The following DOCK3 variants were observed in gnomAD, a reference collection of about 807,000 sequenced individuals.
DOCK3 encodes the protein dedicator of cytokinesis 3.
In DOCK3, 60 loss-of-function variants were observed where a neutral mutation model predicts 265.6. The observed-to-expected ratio is 0.23, with a 90% CI of 0.18 to 0.28. DOCK3 has a LOEUF of 0.28. Ranked by LOEUF, DOCK3 falls within the 10% of genes least tolerant of loss-of-function variation. The pLI, the probability that DOCK3 is intolerant of heterozygous loss-of-function variation, is 1.00. For missense variants in DOCK3, 1,981 were observed against 2,594.3 expected (o/e 0.76, Z 5.14); for synonymous variants, 881 against 938.0 (o/e 0.94, Z 1.11).
At chr3:51,025,534 C>G (rs6805545) in intron 5 of DOCK3, among the ~76,000 whole-genome samples, 6,981 of 152,202 alleles carry the variant, frequency 0.046, 581 homozygotes, top group African/African-American at 0.16. Flanking sequence ...GGCCGCACCC[C>G]TCCCCGTCTT....
chr3:51,363,019 A>C (rs1190250601), intron 49 of DOCK3, among the ~76,000 whole-genome samples: 2 of 152,258 alleles, frequency 1.3e-5, no homozygotes, highest in Non-Finnish European at 2.9e-5. Context: ...TTGAGGAATC[A>C]GGCATGATGA....
At chr3:51,349,595 C>A (rs1253891394) in intron 39 of DOCK3, among the ~76,000 whole-genome samples, 1 of 152,168 alleles carries the variant, frequency 6.6e-6, no homozygotes, top group African/African-American at 2.4e-5. Flanking sequence ...GGCAGGCTGG[C>A]TTGATTGAAT....
intron 5 of DOCK3, among the ~76,000 whole-genome samples, chr3:51,055,696 AT>A (rs2081172902): frequency 6.6e-6 from 1 of 152,166 alleles, no homozygotes; most frequent in Admixed American, 6.5e-5. Context: ...TTCACTTGGC[AT>A]CTATCCATCC....
chr3:50,862,887 C>CAA (rs34443675), intron 3 of DOCK3, among the ~76,000 whole-genome samples: 37,386 of 151,990 alleles, frequency 0.25, 5,766 homozygotes, highest in East Asian at 0.39. Flanking sequence ...AAAGCACAAA[C>CAA]CACAAACAAC....
At chr3:51,049,325 CAGAAAGAA>C (rs112074555) in intron 5 of DOCK3, among the ~76,000 whole-genome samples, 134,900 of 150,502 alleles carry the variant, frequency 0.9, 60,635 homozygotes, top group African/African-American at 0.95. Context: ...GACCGTGTCT[CAGAAAGAA>C]AGAAAGAAAG....
chr3:50,789,277 C>T lies in DOCK3; in HGVS notation c.121+10519C>T, dbSNP rs942675464. Among the ~76,000 whole-genome samples the T allele has an allele frequency of 2.6e-5, 4 of 152,250 alleles. No individual in the cohort carries two copies. In the South Asian group the frequency reaches 6.2e-4, roughly 24 times the overall value. On this transcript the variant is annotated intron_variant, in intron 2 of 52. Coordinates refer to ENST00000266037, the MANE Select transcript of DOCK3 (RefSeq NM_004947.5). ...CAGCAGGTTAGTTTCCATGTATTTT[C>T]ATGGTTTTGAGGGTTCCTTTTGGAG...
intron 28 of DOCK3, among the ~76,000 whole-genome samples, chr3:51,311,555 C>T (rs1423039291): frequency 6.6e-6 from 1 of 152,208 alleles, no homozygotes; most frequent in African/African-American, 2.4e-5. Context: ...ATATAAACCC[C>T]TGTTATCCAG....
intron 9 of DOCK3, among the ~76,000 whole-genome samples, chr3:51,113,490 TGAA>T (rs961206560): frequency 2.0e-5 from 3 of 152,150 alleles, no homozygotes; most frequent in Admixed American, 6.5e-5. Flanking sequence ...ACTAAAACTC[TGAA>T]GCTTCTCGAA....
intron 3 of DOCK3, among the ~76,000 whole-genome samples, chr3:50,882,666 G>T (rs1257624893): frequency 6.6e-6 from 1 of 152,192 alleles, no homozygotes; most frequent in East Asian, 1.9e-4. Flanking sequence ...TACACTGTTG[G>T]TGGGACTGTA....
chr3:51,248,152 G>A (rs932307197), intron 22 of DOCK3, among the ~76,000 whole-genome samples: 2 of 152,182 alleles, frequency 1.3e-5, no homozygotes, highest in African/African-American at 4.8e-5. Context: ...TTTCATTCAA[G>A]TGGGGAAACA....
In DOCK3 at chr3:51,228,724, G is replaced by A; in HGVS notation, c.1711G>A (p.Asp571Asn). 1.2e-6 allele frequency: 2 copies of A among 1,613,966 alleles called. No homozygotes were observed. Among genetic ancestry groups the A allele is most frequent in the South Asian group, 1.1e-5 (1 of 91,068 alleles). The change falls in exon 18 of 53, where the codon GAC (aspartate) becomes AAC (asparagine). Residue 571 changes from aspartate (D) to asparagine (N), a missense_variant. Physicochemically the swap from Asp to Asn is conservative, Grantham distance 23. Transcript: ENST00000266037. ...LYLGLPCCKE[D>N]YNGCPNIPSS... is the part of the protein sequence containing the mutation. ...CCTGGGCCTGCCCTGCTGCAAAGAG[G>A]ACTACAATGGCTGCCCTAATATTCC...
At chr3:51,214,310 C>T in intron 14 of DOCK3, 63 bp downstream of exon 14, 1 of 1,592,382 alleles carries the variant, frequency 6.3e-7, no homozygotes, top group South Asian at 1.1e-5. Flanking sequence ...GTGCTCCCCT[C>T]CTGAGCAGGT....
chr3:51,314,902 A>G, intron 31 of DOCK3, 78 bp from the exon 32 acceptor site: 7 of 1,466,108 alleles, frequency 4.8e-6, no homozygotes, highest in Non-Finnish European at 6.4e-6. Context: ...GGATTGTAGC[A>G]TGTGTTGTGG....
chr3:51,044,198 T>C (rs1174959188), intron 5 of DOCK3, among the ~76,000 whole-genome samples: 5 of 152,072 alleles, frequency 3.3e-5, no homozygotes, highest in African/African-American at 1.2e-4. Flanking sequence ...CAGTGATAGA[T>C]TGGATAAAGA....
At chr3:51,285,307 A>G (rs1275279668) in intron 27 of DOCK3, among the ~76,000 whole-genome samples, 1 of 152,244 alleles carries the variant, frequency 6.6e-6, no homozygotes, top group East Asian at 1.9e-4. Flanking sequence ...AAATAGGAGT[A>G]TATTTCAAAC....
chr3:50,895,977 A>G (rs1195194291), intron 4 of DOCK3, among the ~76,000 whole-genome samples: 2 of 152,172 alleles, frequency 1.3e-5, no homozygotes, highest in African/African-American at 4.8e-5. Context: ...GCTGCAATAA[A>G]CATACGCATG....
At chr3:50,853,798 A>G (rs922970963) in intron 3 of DOCK3, among the ~76,000 whole-genome samples, 8 of 152,024 alleles carry the variant, frequency 5.3e-5, no homozygotes, top group Non-Finnish European at 1.2e-4. Context: ...CTTTTCGATA[A>G]AACAGTTTCT....
intron 3 of DOCK3, 87 bp from the exon 4 acceptor site, chr3:50,889,939 T>C: frequency 9.3e-7 from 1 of 1,070,068 alleles, no homozygotes; most frequent in Non-Finnish European, 1.2e-6. Flanking sequence ...TATGTTTCTG[T>C]GCTGAAATCT....
intron 4 of DOCK3, among the ~76,000 whole-genome samples, chr3:50,920,440 T>C (rs2050381783): frequency 6.6e-6 from 1 of 152,228 alleles, no homozygotes; most frequent in African/African-American, 2.4e-5. Context: ...ATTATTGGTC[T>C]ATTCAGGGAT....
Sources: gnomAD v4.1 joint callset for allele counts (sites outside exome capture counted in the v4.1 genomes callset) on GRCh38, gnomAD v4.1.1 for gene constraint, MANE v1.5 for transcripts, NCBI Gene and HGNC (gene_info 2026-07-23, HGNC 2026-07-21) for gene names.